Variants in SMARCA2 observed in about 807,000 individuals in gnomAD.
SMARCA2 encodes the protein SWI/SNF-related matrix-associated actin-dependent regulator of chromatin subfamily A member 2.
Under a neutral mutation model 199.8 loss-of-function variants are expected in SMARCA2, and 61 were observed. The ratio of observed to expected loss-of-function variants is 0.31; its 90% CI spans 0.25 to 0.38. SMARCA2 has a LOEUF of 0.38. Among genes scored for constraint, SMARCA2 ranks in the 10% least tolerant of loss-of-function variants. SMARCA2 has a pLI of 1.00. For synonymous variants in SMARCA2, 935 were observed against 732.0 expected, an observed-to-expected ratio of 1.28 and a Z score of -4.48; for missense variants, 1,344 against 2,012.2, an observed-to-expected ratio of 0.67 and a Z score of 6.35.
intron 3 of SMARCA2, among the ~76,000 whole-genome samples, chr9:2,037,945 C>T (rs769612149): frequency 1.3e-5 from 2 of 152,184 alleles, no homozygotes; most frequent in African/African-American, 2.4e-5. Context: ...CCAAGCTATG[C>T]AGGTCATCTC....
chr9:2,043,129 A>G (rs1343341941), intron 4 of SMARCA2: 1 of 152,164 alleles, frequency 6.6e-6, no homozygotes, highest in Non-Finnish European at 1.5e-5. Context: ...ATTTCAGGAT[A>G]TTATTCACTT....
intron 19 of SMARCA2, among the ~76,000 whole-genome samples, chr9:2,090,826 T>C (rs1232762745): frequency 3.3e-5 from 5 of 152,122 alleles, no homozygotes; most frequent in Admixed American, 1.3e-4. Flanking sequence ...TGGGCTGATG[T>C]TCATTTTCTA....
Position 2,170,331 on chromosome 9 carries a change from G to A in SMARCA2, c.4200-88G>A. The stretch of plus-strand genomic sequence containing the variant: ...AGGTTGGTGAGGAGACTGAGGCTTG[G>A]CCAGGTCACCCAGCCTAGGAAGAAG... On this transcript the variant is annotated intron_variant, in intron 28 of 33. Transcript: ENST00000349721. This position sits in a 1 kb window ranked among gnomAD's most constrained non-coding sequence, Gnocchi z 4.7. 5 of 1,572,238 alleles carry A rather than the reference G, an allele frequency of 3.2e-6. No individual in the cohort carries two copies. The highest frequency in any genetic ancestry group is 4.3e-6 in the Non-Finnish European group (5 of 1,152,592).
chr9:2,107,435 A>C (rs191401627), intron 23 of SMARCA2, among the ~76,000 whole-genome samples: 1 of 152,132 alleles, frequency 6.6e-6, no homozygotes, highest in African/African-American at 2.4e-5. Flanking sequence ...CTTGTGCCCC[A>C]CCCTCCCAAG....
At chr9:2,166,066 ATTTG>A (rs1283313057) in intron 28 of SMARCA2, among the ~76,000 whole-genome samples, 1 of 152,184 alleles carries the variant, frequency 6.6e-6, no homozygotes, top group African/African-American at 2.4e-5. Flanking sequence ...ACCCCTAGCT[ATTTG>A]TTCTACTTGG....
chr9:2,061,119 T>C, intron 9 of SMARCA2, 133 bp downstream of exon 9: 1 of 840,058 alleles, frequency 1.2e-6, no homozygotes, highest in South Asian at 1.8e-5. Flanking sequence ...GAAAATTGCA[T>C]AAATGGGTAT....
At chr9:2,138,216 A>C (rs751111940) in intron 27 of SMARCA2, among the ~76,000 whole-genome samples, 4 of 152,182 alleles carry the variant, frequency 2.6e-5, no homozygotes, top group Non-Finnish European at 5.9e-5. Flanking sequence ...ATCTAACTTA[A>C]AATTAAGACA....
At position 2,161,343 on chromosome 9, in the gene SMARCA2, C is replaced by A. The variant is rs540906601; in HGVS notation, c.3982-343C>A. Reference sequence around the variant, plus strand: ...CTTACAGTAATGAGAACATTAGGGTCTTGTTCTTAAACTGAGCTAAAATTT... The same window carrying A: ...CTTACAGTAATGAGAACATTAGGGTATTGTTCTTAAACTGAGCTAAAATTT... On this transcript the variant is annotated intron_variant, in intron 27 of 33. Coordinates refer to ENST00000349721, the MANE Select transcript of SMARCA2 (RefSeq NM_003070.5). This position sits in a 1 kb window ranked among gnomAD's most constrained non-coding sequence, Gnocchi z 4.7. Among the ~76,000 whole-genome samples, 1 of 152,054 alleles carries A rather than the reference C, an allele frequency of 6.6e-6. No homozygotes were observed. Among genetic ancestry groups the A allele is most frequent in the African/African-American group, 2.4e-5 (1 of 41,404 alleles).
chr9:2,116,722 A>G (rs947164074), intron 25 of SMARCA2, among the ~76,000 whole-genome samples: 6 of 152,208 alleles, frequency 3.9e-5, no homozygotes, highest in African/African-American at 1.4e-4. Context: ...AACGTTAGTA[A>G]TTTTATAAAT....
intron 9 of SMARCA2, among the ~76,000 whole-genome samples, chr9:2,063,466 C>G (rs115760493): frequency 6.6e-6 from 1 of 152,094 alleles, no homozygotes; most frequent in Non-Finnish European, 1.5e-5. Flanking sequence ...CTCTGCTATC[C>G]TTTTTAGCAC....
At chr9:2,078,650 A>C (rs1361406941) in intron 14 of SMARCA2, among the ~76,000 whole-genome samples, 1 of 151,894 alleles carries the variant, frequency 6.6e-6, no homozygotes, top group Non-Finnish European at 1.5e-5. Flanking sequence ...GTTCCTTAAA[A>C]ATTAAAAAAG....
chr9:2,182,038 TGC>T, intron 30 of SMARCA2, 101 bp from the exon 31 acceptor site: 2 of 822,250 alleles, frequency 2.4e-6, no homozygotes. Flanking sequence ...CAGGGCTTTA[TGC>T]TGTGAAGACA....
At chr9:2,128,928 T>G (rs6475511) in intron 27 of SMARCA2, among the ~76,000 whole-genome samples, 44,426 of 152,036 alleles carry the variant, frequency 0.29, 11,869 homozygotes, top group African/African-American at 0.71. Flanking sequence ...TAAGTTAAAG[T>G]GCATAGTCCC....
At chr9:2,098,278 C>T (rs1191027984) in intron 21 of SMARCA2, among the ~76,000 whole-genome samples, 1 of 152,206 alleles carries the variant, frequency 6.6e-6, no homozygotes, top group East Asian at 1.9e-4. Flanking sequence ...CCAGTGTCTG[C>T]ACCAATTTAT....
At chr9:2,052,882 G>T (rs1820185135) in intron 5 of SMARCA2, among the ~76,000 whole-genome samples, 1 of 152,160 alleles carries the variant, frequency 6.6e-6, no homozygotes, top group Non-Finnish European at 1.5e-5. Flanking sequence ...GACAGAACCA[G>T]AAGTTAGAAA....
chr9:2,161,932 A>C lies in SMARCA2; in HGVS notation c.4199+29A>C. ...AGTGTTTGGTTCCTTCACCTTGATC[A>C]TCTCTCACCAAGACGCCGAGTGGCG... is the stretch of plus-strand genomic sequence containing the variant. On this transcript the variant is annotated intron_variant, in intron 28 of 33. Coordinates refer to ENST00000349721, the MANE Select transcript of SMARCA2 (RefSeq NM_003070.5). This position sits in a 1 kb window ranked among gnomAD's most constrained non-coding sequence, Gnocchi z 4.7. The C allele has an allele frequency of 6.3e-7, 1 of 1,582,506 alleles. No homozygotes were observed.
intron 27 of SMARCA2, among the ~76,000 whole-genome samples, chr9:2,139,520 T>G (rs926080954): frequency 6.6e-6 from 1 of 152,186 alleles, no homozygotes; most frequent in Admixed American, 6.5e-5. Flanking sequence ...AAAATGAACA[T>G]TTGTTCTGCA....
chr9:2,058,113 C>T, intron 7 of SMARCA2, 178 bp from the exon 8 acceptor site: 1 of 586,068 alleles, frequency 1.7e-6, no homozygotes, highest in Non-Finnish European at 3.0e-6. Context: ...TCTTTCCCAC[C>T]AGCCCCATGG....
At chr9:2,069,422 G>A (rs1006937024) in intron 9 of SMARCA2, among the ~76,000 whole-genome samples, 4 of 151,738 alleles carry the variant, frequency 2.6e-5, no homozygotes, top group East Asian at 4.0e-4. Flanking sequence ...AGCCGGGCGT[G>A]GTGGCGGTCG....
Sources: gnomAD v4.1 joint callset for allele counts (sites outside exome capture counted in the v4.1 genomes callset) on GRCh38, gnomAD v4.1.1 for gene constraint, Gnocchi (gnomAD v3.1) non-coding constraint, MANE v1.5 for transcripts, NCBI Gene and HGNC (gene_info 2026-07-23, HGNC 2026-07-21) for gene names.